The following ARHGAP18 variants were observed in gnomAD, a reference collection of about 807,000 sequenced individuals.
ARHGAP18 encodes the protein Rho GTPase activating protein 18.
In ARHGAP18, 67 loss-of-function variants were observed where a neutral mutation model predicts 86.2. That is an observed-to-expected ratio of 0.78 (90% CI 0.64 to 0.95). The LOEUF (loss-of-function observed/expected upper bound fraction) is 0.95, where lower values mean the gene tolerates loss of function less well. Ranked by LOEUF, ARHGAP18 falls within the 40% of genes least tolerant of loss-of-function variation. The pLI is 0.00. For missense variants in ARHGAP18, 691 were observed against 780.4 expected, an observed-to-expected ratio of 0.89 and a Z score of 1.37; for synonymous variants, 283 against 280.4, an observed-to-expected ratio of 1.01 and a Z score of -0.09.
chr6:129,599,604 C>G (rs1788695482), intron 11 of ARHGAP18, among the ~76,000 whole-genome samples: 1 of 152,046 alleles, frequency 6.6e-6, no homozygotes, highest in Non-Finnish European at 1.5e-5. Flanking sequence ...CCAAAAGAGG[C>G]TTTGTGAAGT....
intron 1 of ARHGAP18, among the ~76,000 whole-genome samples, chr6:129,689,577 G>A (rs1000897425): frequency 2.0e-5 from 3 of 152,044 alleles, no homozygotes; most frequent in African/African-American, 4.8e-5. Flanking sequence ...GGCATGTATT[G>A]TTTTTTAACT....
chr6:129,591,170 A>G (rs1167882862), intron 12 of ARHGAP18, among the ~76,000 whole-genome samples: 2 of 152,358 alleles, frequency 1.3e-5, no homozygotes, highest in East Asian at 3.9e-4. Context: ...TATACTAATT[A>G]CATTGAGTTG....
intron 1 of ARHGAP18, among the ~76,000 whole-genome samples, chr6:129,703,847 G>A (rs1774758460): frequency 6.6e-6 from 1 of 152,166 alleles, no homozygotes. Context: ...AATCCATTTA[G>A]TCACTAAATT....
At chr6:129,691,524 G>A (rs1156798662) in intron 1 of ARHGAP18, among the ~76,000 whole-genome samples, 1 of 152,176 alleles carries the variant, frequency 6.6e-6, no homozygotes, top group African/African-American at 2.4e-5. Flanking sequence ...AATTTGAAGA[G>A]TGGCTCTCTC....
At chr6:129,648,785 C>T (rs888612908) in intron 1 of ARHGAP18, among the ~76,000 whole-genome samples, 6 of 149,768 alleles carry the variant, frequency 4.0e-5, no homozygotes, top group Admixed American at 1.3e-4. Context: ...ATTTCAGCAG[C>T]GATATTAAAG....
At chr6:129,667,200 T>A (rs79568077) in intron 1 of ARHGAP18, among the ~76,000 whole-genome samples, 127 of 147,900 alleles carry the variant, frequency 8.6e-4, no homozygotes, top group Middle Eastern at 3.4e-3. Flanking sequence ...AAAAATATAT[T>A]TTTTTTTCCC....
At position 129,702,354 on chromosome 6, in the gene ARHGAP18, C is replaced by T. The variant is rs184311151; in HGVS notation, c.113+7670G>A. Among the ~76,000 whole-genome samples, 4 of 152,264 alleles carry T rather than the reference C, an allele frequency of 2.6e-5. No homozygotes were observed. In the East Asian group the frequency reaches 5.8e-4, roughly 22 times the overall value. On this transcript the variant is annotated intron_variant, in intron 1 of 14. Coordinates refer to ENST00000368149, the MANE Select transcript of ARHGAP18 (RefSeq NM_033515.3). ...TCCTGCCCTAATCCATGCCCAATACCCTGACTCATCCCCACTCTCCTCAAA... is the reference window on the plus strand; with the variant it reads ...TCCTGCCCTAATCCATGCCCAATACTCTGACTCATCCCCACTCTCCTCAAA...
intron 1 of ARHGAP18, among the ~76,000 whole-genome samples, chr6:129,689,996 T>C (rs1774496096): frequency 6.6e-6 from 1 of 152,204 alleles, no homozygotes; most frequent in South Asian, 2.1e-4. Flanking sequence ...AGTAATTACA[T>C]CTATTTAAAT....
intron 8 of ARHGAP18, 150 bp from the exon 9 acceptor site, chr6:129,608,202 ACT>A: frequency 9.4e-7 from 1 of 1,062,920 alleles, no homozygotes; most frequent in Non-Finnish European, 1.3e-6. Context: ...TATTTCTTTT[ACT>A]CAGAAAAAAA....
At chr6:129,652,355 T>C (rs763068238) in intron 1 of ARHGAP18, among the ~76,000 whole-genome samples, 3 of 152,228 alleles carry the variant, frequency 2.0e-5, no homozygotes, top group African/African-American at 7.2e-5. Context: ...CCTTTACCCA[T>C]TCATTTTTAT....
intron 5 of ARHGAP18, among the ~76,000 whole-genome samples, chr6:129,625,541 TTA>T (rs1171626926): frequency 1.8e-5 from 1 of 54,816 alleles, no homozygotes; most frequent in Non-Finnish European, 3.4e-5. Context: ...ACATTATATA[TTA>T]TATATATTTA....
intron 1 of ARHGAP18, among the ~76,000 whole-genome samples, chr6:129,655,414 A>G (rs1247929179): frequency 1.3e-5 from 2 of 152,104 alleles, no homozygotes; most frequent in African/African-American, 4.8e-5. Flanking sequence ...GAAAGGATTA[A>G]GAGCATGTAA....
intron 1 of ARHGAP18, among the ~76,000 whole-genome samples, chr6:129,686,110 G>C (rs756953825): frequency 1.6e-4 from 24 of 152,192 alleles, no homozygotes; most frequent in Non-Finnish European, 3.2e-4. Flanking sequence ...GCTCTCCCGT[G>C]ATGCAGCACA....
rs541878687 is a variant in ARHGAP18, at chr6:129,683,103, G to A, written c.113+26921C>T. ...TTTGTTTTTTTTGAGACGGAGTCTC[G>A]CTGTGTCACCCAGGCTGGACTGCAG... is the stretch of plus-strand genomic sequence containing the variant. On this transcript the variant is annotated intron_variant, in intron 1 of 14. Transcript: ENST00000368149. Among the ~76,000 whole-genome samples, 144 of 143,386 alleles carry A rather than the reference G, an allele frequency of 1.0e-3. 1 individual carries two copies. The highest frequency in any genetic ancestry group is 5.2e-4 in the Non-Finnish European group (35 of 66,858). 94.1% of individuals were successfully genotyped at this position (143,386 alleles called of 152,430 possible).
chr6:129,675,728 G>A (rs770060402), intron 1 of ARHGAP18, among the ~76,000 whole-genome samples: 9 of 152,178 alleles, frequency 5.9e-5, no homozygotes, highest in Non-Finnish European at 1.2e-4. Context: ...ATAAGAAATA[G>A]AGACTTAATT....
chr6:129,639,771 ATGG>A (rs1362089643), intron 2 of ARHGAP18, among the ~76,000 whole-genome samples: 1 of 152,192 alleles, frequency 6.6e-6, no homozygotes, highest in African/African-American at 2.4e-5. Context: ...AAGGCCGGGC[ATGG>A]TGGCTCAGGC....
At chr6:129,681,677 C>T (rs1242916989) in intron 1 of ARHGAP18, among the ~76,000 whole-genome samples, 1 of 152,120 alleles carries the variant, frequency 6.6e-6, no homozygotes, top group Non-Finnish European at 1.5e-5. Context: ...TGGCTTAAAA[C>T]ATAGCAACAT....
At chr6:129,640,042 CAAAAA>C (rs374771260) in intron 2 of ARHGAP18, among the ~76,000 whole-genome samples, 22 of 72,856 alleles carry the variant, frequency 3.0e-4, no homozygotes, top group East Asian at 1.7e-3. Context: ...GAGACTGTCT[CAAAAA>C]AAAAAAAAAA....
At chr6:129,589,531 C>T (rs1788468366) in intron 12 of ARHGAP18, among the ~76,000 whole-genome samples, 1 of 152,170 alleles carries the variant, frequency 6.6e-6, no homozygotes, top group Admixed American at 6.5e-5. Context: ...CCAAACTTTC[C>T]CACGTCTTCC....
Sources: allele counts gnomAD v4.1 joint callset (sites outside exome capture counted in the v4.1 genomes callset), GRCh38; gene constraint gnomAD v4.1.1; transcripts MANE v1.5; gene names NCBI Gene and HGNC (gene_info 2026-07-23, HGNC 2026-07-21).